The following OLR1 variants were observed in gnomAD, a reference collection of about 807,000 sequenced individuals.
OLR1 encodes oxidized low-density lipoprotein receptor 1.
A neutral mutation model predicts 31.7 loss-of-function variants in OLR1; 23 were observed. The observed-to-expected ratio is 0.72, with a 90% CI of 0.52 to 1.03. The LOEUF (loss-of-function observed/expected upper bound fraction) is 1.03. OLR1 is among the 50% of genes least tolerant of loss of function. The pLI, the probability that OLR1 is intolerant of heterozygous loss-of-function variation, is 0.00. For missense variants in OLR1, 286 were observed against 315.7 expected, an observed-to-expected ratio of 0.91 and a Z score of 0.71; for synonymous variants, 117 against 115.8, an observed-to-expected ratio of 1.01 and a Z score of -0.07.
intron 3 of OLR1, 131 bp from the exon 4 acceptor site, chr12:10,161,056 A>AT (rs1162596462): frequency 4.0e-6 from 4 of 988,430 alleles, no homozygotes; most frequent in Non-Finnish European, 5.9e-6. Flanking sequence ...TTGTTTTTGT[A>AT]TTTTTAGTAG....
In OLR1 at chr12:10,160,032, G is replaced by C. The variant is rs887297282; in HGVS notation, c.681-11C>G. 20 of 1,585,432 alleles carry C rather than the reference G, an allele frequency of 1.3e-5. No individual in the cohort carries two copies. Among genetic ancestry groups the C allele is most frequent in the Middle Eastern group, 3.4e-4 (2 of 5,958 alleles). On this transcript the variant is annotated splice_polypyrimidine_tract_variant and intron_variant, in intron 5 of 5. Transcript: ENST00000309539. Reference sequence around the variant, plus strand: ...CCTCGGACTCTAAATCTGCAGGTAGGAAAAAACAAAACAAACCAACAAAAA... The same window carrying C: ...CCTCGGACTCTAAATCTGCAGGTAGCAAAAAACAAAACAAACCAACAAAAA...
chr12:10,161,694 C>T (rs1948620895), intron 3 of OLR1, among the ~76,000 whole-genome samples: 6 of 152,032 alleles, frequency 3.9e-5, no homozygotes, highest in South Asian at 4.1e-4. Flanking sequence ...AGGCATGACC[C>T]ACCACACCCG....
chr12:10,164,732 G>A (rs1002770805), intron 3 of OLR1, among the ~76,000 whole-genome samples: 2 of 152,118 alleles, frequency 1.3e-5, no homozygotes, highest in Non-Finnish European at 2.9e-5. Context: ...CTGATGTAAT[G>A]ACATACTGCA....
chr12:10,171,901 T>C (rs1466858921), intron 1 of OLR1, 101 bp downstream of exon 1: 2 of 794,404 alleles, frequency 2.5e-6, no homozygotes, highest in African/African-American at 1.7e-5. Flanking sequence ...TATTTTCCCA[T>C]ACTTGGGTGT....
chr12:10,163,177 T>C (rs1591980347), intron 3 of OLR1, among the ~76,000 whole-genome samples: 1 of 152,354 alleles, frequency 6.6e-6, no homozygotes, highest in Non-Finnish European at 1.5e-5. Flanking sequence ...TCCAGTCATT[T>C]TCTTCATTTG....
chr12:10,172,244 C>T (rs926861798), upstream of OLR1: 3 of 558,382 alleles, frequency 5.4e-6, no homozygotes, highest in South Asian at 7.2e-5. Context: ...TTGGGAAGTT[C>T]GCTGACGCAA....
chr12:10,160,487 T>C, intron 4 of OLR1, 25 bp from the exon 5 acceptor site: 1 of 1,547,642 alleles, frequency 6.5e-7, no homozygotes. Context: ...GTTTCTGAGT[T>C]TGTGGAATCC....
At chr12:10,165,558 A>T (rs1948654203) in intron 3 of OLR1, among the ~76,000 whole-genome samples, 2 of 152,122 alleles carry the variant, frequency 1.3e-5, no homozygotes, top group Non-Finnish European at 2.9e-5. Context: ...AAAGAAATAC[A>T]GTGATTAAAA....
At chr12:10,175,669 G>A (rs888391605), upstream of OLR1, 4 of 152,208 alleles carry the variant, frequency 2.6e-5, no homozygotes, top group African/African-American at 9.7e-5. Flanking sequence ...CCTATGCTGT[G>A]ATCTTGGCTT....
At chr12:10,173,549 G>C (rs553517050), upstream of OLR1, among the ~76,000 whole-genome samples, 75 of 61,956 alleles carry the variant, frequency 1.2e-3, no homozygotes, top group East Asian at 3.9e-3. Context: ...GGAAGCTGAG[G>C]GGGGGGGTGG....
In OLR1 at chr12:10,158,505, A is replaced by C. The variant is rs886291715; in HGVS notation, c.*1375T>G. The C allele has an allele frequency of 1.3e-5, 2 of 148,702 alleles. No homozygotes were observed. The highest frequency in any genetic ancestry group is 6.8e-5 in the Admixed American group (1 of 14,806). 9.2% of individuals were successfully genotyped at this position (148,702 alleles called of 1,614,324 possible). A position where few individuals can be genotyped will look rare whatever the true frequency, so the allele number is the denominator to read the frequency against. On this transcript the variant is annotated 3_prime_UTR_variant, in exon 6 of 6. Coordinates refer to ENST00000309539, the MANE Select transcript of OLR1 (RefSeq NM_002543.4). ...TTATGCAAAGTGAAAGAAGCCAGAC[A>C]AAAAAAAAAGACATACTATATGATT...
chr12:10,168,976 T>C, intron 2 of OLR1, 98 bp downstream of exon 2: 1 of 746,902 alleles, frequency 1.3e-6, no homozygotes, highest in Non-Finnish European at 2.1e-6. Context: ...TCAAGGCTGT[T>C]TGTAGTTGTT....
intron 1 of OLR1, among the ~76,000 whole-genome samples, chr12:10,169,674 C>T (rs999207931): frequency 2.7e-4 from 41 of 152,004 alleles, no homozygotes; most frequent in Non-Finnish European, 2.9e-5. Flanking sequence ...ACTGAGATTA[C>T]CTCAAATAAC....
In OLR1 at chr12:10,160,011, G is replaced by C. The variant is rs199989233; in HGVS notation, c.691C>G (p.Arg231Gly). 5 of 1,603,374 alleles carry C rather than the reference G, an allele frequency of 3.1e-6. No individual in the cohort carries two copies. Among genetic ancestry groups the C allele is most frequent in the East Asian group, 2.2e-5 (1 of 44,666 alleles). ...GGGTATGTCTGGGAGACAGCGCCTC[G>C]GACTCTAAATCTGCAGGTAGGAAAA... ...SPLMPHLFRV[R>G]GAVSQTYPSG... Residue 231 changes from arginine to glycine, a missense_variant, in exon 6 of 6, where the codon CGA (arginine) becomes GGA (glycine). Arg to Gly is a moderately radical substitution (Grantham distance 125, BLOSUM62 -2). Coordinates refer to ENST00000309539, the MANE Select transcript of OLR1 (RefSeq NM_002543.4).
chr12:10,159,867 A>G lies in OLR1; in HGVS notation c.*13T>C. The stretch of plus-strand genomic sequence containing the variant: ...CTCAAAGACTTTTTTCTTTTCTTCC[A>G]GAGCCTTCAAATTCACTGTGCTCTT... On this transcript the variant is annotated 3_prime_UTR_variant, in exon 6 of 6. Transcript: ENST00000309539. 4.4e-6 allele frequency: 7 copies of G among 1,593,862 alleles called. No individual in the cohort carries two copies. Among genetic ancestry groups the G allele is most frequent in the Non-Finnish European group, 6.0e-6 (7 of 1,168,822 alleles).
intron 3 of OLR1, among the ~76,000 whole-genome samples, chr12:10,162,203 C>T (rs1367990190): frequency 6.6e-6 from 1 of 152,060 alleles, no homozygotes; most frequent in East Asian, 1.9e-4. Flanking sequence ...TCTCTCCCAT[C>T]TCCTTAAGGG....
At chr12:10,166,422 G>A (rs1948662156) in intron 3 of OLR1, among the ~76,000 whole-genome samples, 1 of 151,636 alleles carries the variant, frequency 6.6e-6, no homozygotes, top group African/African-American at 2.4e-5. Context: ...CAACGACTTG[G>A]GAGGCTGAGG....
chr12:10,163,537 T>A (rs1216422843), intron 3 of OLR1, among the ~76,000 whole-genome samples: 1 of 151,360 alleles, frequency 6.6e-6, no homozygotes, highest in African/African-American at 2.4e-5. Flanking sequence ...GACCACAGAC[T>A]TTTTAGTAAA....
chr12:10,172,607 G>A (rs1426919869), upstream of OLR1, among the ~76,000 whole-genome samples: 3 of 152,148 alleles, frequency 2.0e-5, no homozygotes, highest in Non-Finnish European at 2.9e-5. Context: ...AATCACATAT[G>A]GCTCCCATTT....
Sources: gnomAD v4.1 joint callset for allele counts (sites outside exome capture counted in the v4.1 genomes callset) on GRCh38, gnomAD v4.1.1 for gene constraint, MANE v1.5 for transcripts, NCBI Gene and HGNC (gene_info 2026-07-23, HGNC 2026-07-21) for gene names.